Variants in RBFOX1 observed in about 807,000 individuals in gnomAD.
The protein encoded by RBFOX1 is RNA binding protein fox-1 homolog 1.
A neutral mutation model predicts 57.7 loss-of-function variants in RBFOX1; 8 were observed. The ratio of observed to expected loss-of-function variants is 0.14; its 90% CI spans 0.08 to 0.25. The LOEUF (loss-of-function observed/expected upper bound fraction) is 0.25, where lower values mean the gene tolerates loss of function less well. RBFOX1 is among the 10% of genes least tolerant of loss of function. The pLI is 1.00. For synonymous variants in RBFOX1, 326 were observed against 222.4 expected (o/e 1.47, Z -4.15); for missense variants, 611 against 548.5 (o/e 1.11, Z -1.14).
chr16:6,419,232 A>C (rs1362432392), intron 2 of RBFOX1, among the ~76,000 whole-genome samples: 2 of 152,116 alleles, frequency 1.3e-5, no homozygotes, highest in African/African-American at 4.8e-5. Flanking sequence ...GAAGCACTCC[A>C]TGATTTTTTT....
intron 3 of RBFOX1, among the ~76,000 whole-genome samples, chr16:6,860,620 A>G (rs370038266): frequency 6.6e-6 from 1 of 152,228 alleles, no homozygotes; most frequent in East Asian, 1.9e-4. Context: ...AAACATTAGG[A>G]AGACAACAAT....
chr16:6,670,369 C>T (rs1037780473), intron 3 of RBFOX1, among the ~76,000 whole-genome samples: 10 of 152,134 alleles, frequency 6.6e-5, no homozygotes, highest in African/African-American at 1.2e-4. Context: ...TGCTCCCAGA[C>T]AAACATATGT....
At chr16:6,621,233 C>T (rs1175069962) in intron 2 of RBFOX1, among the ~76,000 whole-genome samples, 5 of 152,214 alleles carry the variant, frequency 3.3e-5, no homozygotes, top group South Asian at 2.1e-4. Flanking sequence ...AGGCCTAGGC[C>T]GGCGGATCAC....
chr16:7,511,044 T>C (rs7404084), intron 4 of RBFOX1, among the ~76,000 whole-genome samples: 138,385 of 152,206 alleles, frequency 0.91, 62,958 homozygotes, highest in South Asian at 0.97. Context: ...GAAATACAGG[T>C]GTGTGAGTGT....
intron 4 of RBFOX1, among the ~76,000 whole-genome samples, chr16:5,983,935 C>T (rs551852656): frequency 1.4e-5 from 2 of 145,678 alleles, no homozygotes; most frequent in Admixed American, 6.8e-5. Context: ...CCCCCTCCTC[C>T]TCCTCCTCTT....
intron 3 of RBFOX1, among the ~76,000 whole-genome samples, chr16:5,789,272 C>G (rs1377096224): frequency 3.9e-5 from 6 of 152,094 alleles, no homozygotes; most frequent in Admixed American, 6.5e-5. Flanking sequence ...TTTCTGAAAA[C>G]CCAGGGAGCC....
At chr16:7,517,842 A>T (rs550404576) in intron 4 of RBFOX1, among the ~76,000 whole-genome samples, 1 of 151,944 alleles carries the variant, frequency 6.6e-6, no homozygotes, top group East Asian at 1.9e-4. Flanking sequence ...AAAAAAATCA[A>T]TCTAGTAAAG....
intron 3 of RBFOX1, among the ~76,000 whole-genome samples, chr16:5,855,190 G>C (rs561439263): frequency 1.2e-4 from 18 of 152,206 alleles, no homozygotes; most frequent in African/African-American, 4.1e-4. Flanking sequence ...ATTTTGTTCT[G>C]TTTGTTTCCT....
At chr16:7,144,307 A>C (rs1341810067) in intron 4 of RBFOX1, among the ~76,000 whole-genome samples, 1 of 151,090 alleles carries the variant, frequency 6.6e-6, no homozygotes, top group African/African-American at 2.4e-5. Flanking sequence ...CAAAGATAAC[A>C]CCATTTTGTA....
intron 2 of RBFOX1, among the ~76,000 whole-genome samples, chr16:6,638,841 G>C (rs1789271056): frequency 6.6e-6 from 1 of 152,166 alleles, no homozygotes; most frequent in African/African-American, 2.4e-5. Flanking sequence ...TAAGGCTGTA[G>C]ACAATAAAGG....
chr16:5,778,007 A>G (rs1447289519), intron 3 of RBFOX1, among the ~76,000 whole-genome samples: 1 of 152,216 alleles, frequency 6.6e-6, no homozygotes, highest in African/African-American at 2.4e-5. Flanking sequence ...ATTCAGGAGC[A>G]TTAAGATACA....
chr16:6,697,087 C>G (rs917501027), intron 3 of RBFOX1, among the ~76,000 whole-genome samples: 7 of 152,142 alleles, frequency 4.6e-5, no homozygotes, highest in African/African-American at 1.7e-4. Context: ...TTCAGAATTT[C>G]TTCTGGGGAA....
At chr16:5,357,666 A>G (rs778759735) in intron 1 of RBFOX1, among the ~76,000 whole-genome samples, 292 of 152,276 alleles carry the variant, frequency 1.9e-3, no homozygotes, top group Admixed American at 3.0e-3. Flanking sequence ...ACCACACCCC[A>G]GGCTCTGGTT....
intron 11 of RBFOX1, among the ~76,000 whole-genome samples, chr16:7,636,470 A>G (rs748683159): frequency 8.5e-5 from 13 of 152,340 alleles, no homozygotes; most frequent in South Asian, 2.1e-4. Flanking sequence ...AGGATAACCT[A>G]TGAATGGTTC....
chr16:6,611,528 G>T (rs1023020888), intron 2 of RBFOX1, among the ~76,000 whole-genome samples: 5 of 152,092 alleles, frequency 3.3e-5, no homozygotes, highest in Non-Finnish European at 7.4e-5. Context: ...TGTGATTCTG[G>T]TACTCATACA....
At chr16:5,990,970 G>C (rs998939611) in intron 4 of RBFOX1, among the ~76,000 whole-genome samples, 2 of 152,106 alleles carry the variant, frequency 1.3e-5, no homozygotes, top group Non-Finnish European at 2.9e-5. Flanking sequence ...GCAAGACTCT[G>C]TCAGAGAGAG....
At chr16:5,536,340 T>G (rs930777120) in intron 2 of RBFOX1, among the ~76,000 whole-genome samples, 19 of 151,042 alleles carry the variant, frequency 1.3e-4, no homozygotes, top group Admixed American at 1.1e-3. Flanking sequence ...GTTCAAGCGA[T>G]TCTCCTGCCT....
chr16:6,798,528 C>G (rs1278809096), intron 3 of RBFOX1, among the ~76,000 whole-genome samples: 1 of 152,020 alleles, frequency 6.6e-6, no homozygotes, highest in Non-Finnish European at 1.5e-5. Context: ...AATAGGAAGC[C>G]CAGATAACAC....
intron 1 of RBFOX1, among the ~76,000 whole-genome samples, chr16:6,252,743 C>T (rs1177013926): frequency 6.6e-6 from 1 of 152,164 alleles, no homozygotes; most frequent in East Asian, 1.9e-4. Flanking sequence ...ACATAATTAG[C>T]ATGGAGCAGC....
Sources: allele counts gnomAD v4.1 joint callset (sites outside exome capture counted in the v4.1 genomes callset), GRCh38; gene constraint gnomAD v4.1.1; transcripts MANE v1.5; gene names NCBI Gene and HGNC (gene_info 2026-07-23, HGNC 2026-07-21).